The following NKAIN1 variants were observed in gnomAD, a reference collection of about 807,000 sequenced individuals.
The protein encoded by NKAIN1 is sodium/potassium-transporting ATPase subunit beta-1-interacting protein 1.
In NKAIN1, 13 loss-of-function variants were observed where a neutral mutation model predicts 31.6. That is an observed-to-expected ratio of 0.41 (90% CI 0.27 to 0.65). The LOEUF is 0.65. Among genes scored for constraint, NKAIN1 ranks in the 30% least tolerant of loss-of-function variants. The pLI is 0.30. For missense variants in NKAIN1, 193 were observed against 262.2 expected (o/e 0.74, Z 1.82); for synonymous variants, 104 against 109.0 (o/e 0.95, Z 0.28).
chr1:31,239,656 G>A lies in NKAIN1; in HGVS notation c.-109C>T, dbSNP rs992790359. 1 of 445,508 alleles carries A rather than the reference G, an allele frequency of 2.2e-6. No homozygotes were observed. The highest frequency in any genetic ancestry group is 3.0e-6 in the Non-Finnish European group (1 of 337,176). The allele number at this position is 445,508 out of a possible 1,614,324, so 27.6% of individuals were successfully genotyped here. A position where few individuals can be genotyped will look rare whatever the true frequency, so the allele number is the denominator to read the frequency against. On this transcript the variant is annotated 5_prime_UTR_variant, in exon 1 of 7. Transcript: ENST00000373736. The surrounding 1 kb of genome is among the most constrained non-coding windows in gnomAD (Gnocchi z 4.8). ...GTCCTCCCCGCTGGGCGCGCCGGGC[G>A]GCGGGGCCGGGCGCCTAGGGCCGGG...
rs150786621 is a variant in NKAIN1 at position 31,185,303 on chromosome 1, C to T, written c.217G>A (p.Val73Ile). ...ILYAAWLVLW[V>I]GWNAFIICFY... ...CAGATGATAAATGCATTCCAGCCAA[C>T]CCAGAGCACCAGCCAGGCTGCATAC... The change falls in exon 3 of 7, where the codon GTT becomes ATT. Residue 73 changes from valine to isoleucine, a missense_variant. Val to Ile is a conservative substitution (Grantham distance 29). Coordinates refer to ENST00000373736, the MANE Select transcript of NKAIN1 (RefSeq NM_024522.3). 1.7e-3 allele frequency: 2,790 copies of T among 1,610,504 alleles called. 9 individuals carry two copies. The highest frequency in any genetic ancestry group is 2.2e-3 in the Non-Finnish European group (2,607 of 1,178,324).
intron 1 of NKAIN1, among the ~76,000 whole-genome samples, chr1:31,223,375 C>CAAAAAA (rs746638007): frequency 9.4e-6 from 1 of 106,644 alleles, no homozygotes; most frequent in Non-Finnish European, 1.9e-5. Flanking sequence ...GACTCCATCT[C>CAAAAAA]AAAAAAAAAA....
rs1557666462 is a variant in NKAIN1, at chr1:31,239,797, C to G, written c.-250G>C. ...CGCCTCCTTTGTCTAGCGGGCCGTC[C>G]GTCAGGCGCGCCTCCTGCCCCGGGG... On this transcript the variant is annotated 5_prime_UTR_variant, in exon 1 of 7. Coordinates refer to ENST00000373736, the MANE Select transcript of NKAIN1 (RefSeq NM_024522.3). The surrounding 1 kb of genome is among the most constrained non-coding windows in gnomAD (Gnocchi z 4.8). Among the ~76,000 whole-genome samples the G allele has an allele frequency of 6.6e-6, 1 of 151,848 alleles. No homozygotes were observed.
At chr1:31,211,746 G>T (rs552703985) in intron 1 of NKAIN1, among the ~76,000 whole-genome samples, 1 of 152,020 alleles carries the variant, frequency 6.6e-6, no homozygotes, top group African/African-American at 2.4e-5. Flanking sequence ...TTCGAGTCCA[G>T]CCTGGCTAAC....
chr1:31,237,736 T>C (rs1358714879), intron 1 of NKAIN1, among the ~76,000 whole-genome samples: 2 of 152,120 alleles, frequency 1.3e-5, no homozygotes, highest in African/African-American at 4.8e-5. Flanking sequence ...CCTCAGGTGA[T>C]CTGCCCATCT....
chr1:31,227,920 C>G (rs890355384), intron 1 of NKAIN1, among the ~76,000 whole-genome samples: 1 of 152,156 alleles, frequency 6.6e-6, no homozygotes, highest in South Asian at 2.1e-4. Context: ...AGGGTTGCCC[C>G]ACCTTCCTGT....
chr1:31,188,772 C>T (rs1348216150), intron 1 of NKAIN1, among the ~76,000 whole-genome samples: 1 of 152,144 alleles, frequency 6.6e-6, no homozygotes, highest in African/African-American at 2.4e-5. Flanking sequence ...TTGGCAAACA[C>T]AATGCAAACC....
chr1:31,219,908 G>A (rs890231715), intron 1 of NKAIN1, among the ~76,000 whole-genome samples: 27 of 152,116 alleles, frequency 1.8e-4, no homozygotes, highest in Non-Finnish European at 4.0e-4. Context: ...GAGCAAATGA[G>A]TGCAGTAAGG....
At chr1:31,183,056 C>G (rs957890959) in intron 4 of NKAIN1, among the ~76,000 whole-genome samples, 3 of 152,002 alleles carry the variant, frequency 2.0e-5, no homozygotes, top group Non-Finnish European at 4.4e-5. Context: ...GTGCTGCAAT[C>G]ATGGCTCACT....
chr1:31,186,297 G>A (rs1645242998), intron 2 of NKAIN1, among the ~76,000 whole-genome samples: 1 of 151,140 alleles, frequency 6.6e-6, no homozygotes, highest in African/African-American at 2.4e-5. Flanking sequence ...GGGAGGTGGA[G>A]GTTGTGGTAA....
chr1:31,195,498 C>G (rs1645319169), intron 1 of NKAIN1, among the ~76,000 whole-genome samples: 1 of 152,110 alleles, frequency 6.6e-6, no homozygotes, highest in Non-Finnish European at 1.5e-5. Context: ...ACTCTGGATC[C>G]AGCTCCTCCT....
chr1:31,187,327 G>T (rs1023262423), intron 2 of NKAIN1, among the ~76,000 whole-genome samples: 1 of 152,192 alleles, frequency 6.6e-6, no homozygotes, highest in Non-Finnish European at 1.5e-5. Context: ...GAATCTAGCT[G>T]AAAGCAGGAG....
chr1:31,191,119 C>T (rs545442497), intron 1 of NKAIN1, among the ~76,000 whole-genome samples: 1 of 152,274 alleles, frequency 6.6e-6, no homozygotes, highest in South Asian at 2.1e-4. Flanking sequence ...GGTGAAACTC[C>T]ATCTCTACTG....
At chr1:31,227,267 A>T (rs1301746663) in intron 1 of NKAIN1, among the ~76,000 whole-genome samples, 1 of 152,170 alleles carries the variant, frequency 6.6e-6, no homozygotes, top group Admixed American at 6.6e-5. Flanking sequence ...TGAGCCTCAG[A>T]GTCCTCATCT....
chr1:31,219,036 G>A lies in NKAIN1; in HGVS notation c.54+20458C>T, dbSNP rs559098191. On this transcript the variant is annotated intron_variant, in intron 1 of 6. Coordinates refer to ENST00000373736, the MANE Select transcript of NKAIN1 (RefSeq NM_024522.3). ...AGTCCAGACCCTTCTCTAACATTTG[G>A]GGGCCTTGTGGACCAGGGCAGGAGC... 2.6e-5 allele frequency among the ~76,000 whole-genome samples: 4 copies of A among 152,334 alleles called. No individual in the cohort carries two copies. The South Asian group carries it at 8.3e-4, about 32-fold the overall frequency.
Position 31,181,707 on chromosome 1 carries a change from C to T in NKAIN1, c.620G>A (p.Gly207Glu). Residue 207 changes from glycine (G) to glutamate (E), a missense_variant, in exon 7 of 7, where the codon GGG becomes GAG. By Grantham distance (98) the Gly-to-Glu change is moderately conservative. Transcript: ENST00000373736. ...GGGGTGGGCGCGGGGCAGAGGCTAC[C>T]CCGACCTGCGGGAAACAAAGGCAGG... ...HLQLQPLYTS[G>E] 1 of 1,484,616 alleles carries T rather than the reference C, an allele frequency of 6.7e-7. No homozygotes were observed. Among genetic ancestry groups the T allele is most frequent in the East Asian group, 2.5e-5 (1 of 40,358 alleles). 92.0% of individuals were successfully genotyped at this position (1,484,616 alleles called of 1,614,324 possible).
intron 1 of NKAIN1, among the ~76,000 whole-genome samples, chr1:31,198,452 G>A (rs1468425094): frequency 6.6e-6 from 1 of 152,112 alleles, no homozygotes; most frequent in Non-Finnish European, 1.5e-5. Context: ...AGCCGCTTGA[G>A]CTAGGAACCT....
At chr1:31,214,833 TG>T (rs1371387273) in intron 1 of NKAIN1, among the ~76,000 whole-genome samples, 1 of 151,986 alleles carries the variant, frequency 6.6e-6, no homozygotes, top group East Asian at 1.9e-4. Flanking sequence ...TGGCTAGAGC[TG>T]GGGGAATGCG....
chr1:31,223,736 G>A (rs560732514), intron 1 of NKAIN1, among the ~76,000 whole-genome samples: 21 of 152,214 alleles, frequency 1.4e-4, no homozygotes, highest in African/African-American at 4.6e-4. Context: ...GAGCCACCAC[G>A]CCCAGCCGAC....
Sources: gnomAD v4.1 joint callset for allele counts (sites outside exome capture counted in the v4.1 genomes callset) on GRCh38, gnomAD v4.1.1 for gene constraint, Gnocchi (gnomAD v3.1) non-coding constraint, MANE v1.5 for transcripts, NCBI Gene and HGNC (gene_info 2026-07-23, HGNC 2026-07-21) for gene names.